Variants in PCDH15 observed in about 807,000 individuals in gnomAD.
The protein encoded by PCDH15 is protocadherin-15.
Under a neutral mutation model 178.5 loss-of-function variants are expected in PCDH15, and 129 were observed. That is an observed-to-expected ratio of 0.72 (90% CI 0.63 to 0.84). PCDH15 has a LOEUF of 0.84. PCDH15 is among the 40% of genes least tolerant of loss of function. The pLI is 0.00. For synonymous variants in PCDH15, 800 were observed against 732.0 expected, an observed-to-expected ratio of 1.09 and a Z score of -1.50; for missense variants, 2,230 against 2,099.9, an observed-to-expected ratio of 1.06 and a Z score of -1.21.
intron 2 of PCDH15, among the ~76,000 whole-genome samples, chr10:55,451,291 G>A (rs1186180800): frequency 6.6e-6 from 1 of 151,988 alleles, no homozygotes; most frequent in Non-Finnish European, 1.5e-5. Context: ...GAGGTCAGGA[G>A]ATCGAGGCCA....
At chr10:55,302,299 CT>C (rs1843306978) in intron 1 of PCDH15, among the ~76,000 whole-genome samples, 1 of 151,896 alleles carries the variant, frequency 6.6e-6, no homozygotes, top group African/African-American at 2.4e-5. Context: ...TATAAAAACA[CT>C]GCATATGTTT....
intron 2 of PCDH15, among the ~76,000 whole-genome samples, chr10:55,090,354 T>C (rs1476727610): frequency 6.8e-6 from 1 of 146,628 alleles, no homozygotes; most frequent in Non-Finnish European, 1.5e-5. Flanking sequence ...AATAGTTATA[T>C]ATTTTCGTTG....
chr10:55,529,741 G>GTATATATATATATATATATA (rs56254743), intron 2 of PCDH15, among the ~76,000 whole-genome samples: 38 of 62,738 alleles, frequency 6.1e-4, no homozygotes, highest in Admixed American at 1.2e-3. Flanking sequence ...TTGTCTGTGA[G>GTATATATATATATATATATA]TATATATATA....
intron 9 of PCDH15, among the ~76,000 whole-genome samples, chr10:54,218,620 G>A (rs1241871143): frequency 6.6e-6 from 1 of 152,128 alleles, no homozygotes; most frequent in African/African-American, 2.4e-5. Flanking sequence ...TACCAACCAT[G>A]AAAGCACCTT....
Position 53,918,838 on chromosome 10 carries a change from G to A in PCDH15, c.3374-15468C>T, listed in dbSNP as rs564197117. Among the ~76,000 whole-genome samples, 9 of 152,176 alleles carry A rather than the reference G, an allele frequency of 5.9e-5. No individual in the cohort carries two copies. The South Asian group carries it at 1.5e-3, about 25-fold the overall frequency. On this transcript the variant is annotated intron_variant, in intron 25 of 37. Coordinates refer to ENST00000644397, the MANE Select transcript of PCDH15 (RefSeq NM_001384140.1). The stretch of plus-strand genomic sequence containing the variant: ...ATTAGTGGTTTAAAACAACACCAGT[G>A]TATTACTGTATAGTTTGTAGGTCCA...
chr10:53,958,787 G>A (rs1051560844), intron 23 of PCDH15, among the ~76,000 whole-genome samples: 3 of 151,726 alleles, frequency 2.0e-5, no homozygotes, highest in African/African-American at 7.3e-5. Flanking sequence ...AGACCATCCT[G>A]GCTAATGCAG....
chr10:55,448,343 T>C (rs1276104217), intron 2 of PCDH15, among the ~76,000 whole-genome samples: 1 of 151,970 alleles, frequency 6.6e-6, no homozygotes, highest in Admixed American at 6.6e-5. Flanking sequence ...ATATCTCATC[T>C]GTGAAAAATA....
At chr10:54,135,947 C>T (rs2042868534) in intron 14 of PCDH15, among the ~76,000 whole-genome samples, 1 of 152,030 alleles carries the variant, frequency 6.6e-6, no homozygotes, top group Non-Finnish European at 1.5e-5. Context: ...ATATATGAAA[C>T]ATACTTTTAT....
At chr10:53,997,362 C>T (rs11003983) in intron 20 of PCDH15, among the ~76,000 whole-genome samples, 35,218 of 151,688 alleles carry the variant, frequency 0.23, 4,396 homozygotes, top group East Asian at 0.45. Flanking sequence ...ATTTTCGTGC[C>T]CTTTCCAAGA....
intron 5 of PCDH15, among the ~76,000 whole-genome samples, chr10:54,365,575 T>G (rs888470606): frequency 1.3e-4 from 20 of 152,132 alleles, no homozygotes; most frequent in Non-Finnish European, 2.9e-4. Context: ...TGCCTTGACT[T>G]GCTCTTGTTT....
intron 26 of PCDH15, among the ~76,000 whole-genome samples, chr10:53,898,799 C>A (rs1006093554): frequency 6.6e-6 from 1 of 152,158 alleles, no homozygotes; most frequent in African/African-American, 2.4e-5. Flanking sequence ...TCTGACCAGC[C>A]ATTTTTCACC....
In PCDH15 at chr10:54,634,305, A is replaced by G. The variant is rs868465277; in HGVS notation, c.91+29867T>C. ...TATAAAATATTGCACTGCTTTCTATACTTATAAATATTTTGCATATGTCAT... is the reference window on the plus strand; with the variant it reads ...TATAAAATATTGCACTGCTTTCTATGCTTATAAATATTTTGCATATGTCAT... On this transcript the variant is annotated intron_variant, in intron 2 of 37. Transcript: ENST00000644397. Among the ~76,000 whole-genome samples, 6 of 152,256 alleles carry G rather than the reference A, an allele frequency of 3.9e-5. No individual in the cohort carries two copies. In the South Asian group the frequency reaches 6.2e-4, roughly 16 times the overall value.
chr10:55,038,558 G>C (rs11004693), intron 2 of PCDH15, among the ~76,000 whole-genome samples: 9,347 of 152,234 alleles, frequency 0.061, 397 homozygotes, highest in African/African-American at 0.11. Context: ...TTTTATACGA[G>C]TCTGGTTATA....
At chr10:54,449,819 T>C (rs576739933) in intron 3 of PCDH15, among the ~76,000 whole-genome samples, 194 of 151,894 alleles carry the variant, frequency 1.3e-3, no homozygotes, top group African/African-American at 4.5e-3. Context: ...CTGGAGATTT[T>C]GGTATCTGTT....
chr10:54,654,489 T>C (rs2094332953), intron 2 of PCDH15, among the ~76,000 whole-genome samples: 3 of 152,182 alleles, frequency 2.0e-5, no homozygotes, highest in Admixed American at 1.3e-4. Flanking sequence ...TACAAAATTA[T>C]AGTACTTGTC....
intron 25 of PCDH15, among the ~76,000 whole-genome samples, chr10:53,914,314 C>T (rs143823577): frequency 1.2e-4 from 19 of 152,270 alleles, no homozygotes; most frequent in East Asian, 9.7e-4. Flanking sequence ...CACATGCACA[C>T]GTATGTTTAT....
At chr10:54,621,026 A>T (rs1242536621) in intron 2 of PCDH15, among the ~76,000 whole-genome samples, 3 of 152,166 alleles carry the variant, frequency 2.0e-5, no homozygotes, top group African/African-American at 7.2e-5. Context: ...AGCAAGCTTA[A>T]GTATATTCTG....
intron 2 of PCDH15, among the ~76,000 whole-genome samples, chr10:55,022,981 G>A (rs551953924): frequency 2.8e-5 from 4 of 142,982 alleles, no homozygotes; most frequent in East Asian, 4.1e-4. Context: ...TTGCTCTGTC[G>A]CCCAGGCTGG....
chr10:55,464,223 G>A (rs1044714731), intron 2 of PCDH15, among the ~76,000 whole-genome samples: 8 of 152,018 alleles, frequency 5.3e-5, no homozygotes, highest in East Asian at 3.9e-4. Context: ...AACTCAAAAC[G>A]TCAGAACAAT....
Sources: gnomAD v4.1 joint callset for allele counts (sites outside exome capture counted in the v4.1 genomes callset) on GRCh38, gnomAD v4.1.1 for gene constraint, MANE v1.5 for transcripts, NCBI Gene and HGNC (gene_info 2026-07-23, HGNC 2026-07-21) for gene names.